Variants in DLGAP2 observed in about 807,000 individuals in gnomAD.
DLGAP2 encodes the protein DLG associated protein 2.
In DLGAP2, 26 loss-of-function variants were observed where a neutral mutation model predicts 100.3. The ratio of observed to expected loss-of-function variants is 0.26; its 90% CI spans 0.19 to 0.36. DLGAP2 has a LOEUF of 0.36. Ranked by LOEUF, DLGAP2 falls within the 10% of genes least tolerant of loss-of-function variation. The pLI is 1.00. For missense variants in DLGAP2, 1,858 were observed against 1,453.2 expected (o/e 1.28, Z -4.53); for synonymous variants, 886 against 630.1 (o/e 1.41, Z -6.08).
At chr8:1,188,576 CA>C (rs1171386304) in intron 2 of DLGAP2, among the ~76,000 whole-genome samples, 1 of 151,942 alleles carries the variant, frequency 6.6e-6, no homozygotes, top group Non-Finnish European at 1.5e-5. Flanking sequence ...ATGTTTCCCT[CA>C]CGGAATCTCA....
At chr8:1,362,439 G>A (rs776050610) in intron 3 of DLGAP2, among the ~76,000 whole-genome samples, 2 of 152,000 alleles carry the variant, frequency 1.3e-5, no homozygotes, top group African/African-American at 2.4e-5. Context: ...CGGGAGGCTC[G>A]GTAAGGGCTG....
intron 2 of DLGAP2, among the ~76,000 whole-genome samples, chr8:1,052,968 A>T (rs1802765489): frequency 6.6e-6 from 1 of 152,248 alleles, no homozygotes; most frequent in Non-Finnish European, 1.5e-5. Flanking sequence ...AGAGAAATGT[A>T]AATGTGACCT....
At position 1,215,932 on chromosome 8, in the gene DLGAP2, GGATGGGTTCATTT is replaced by G. The variant is rs1798203568; in HGVS notation, c.74-42917_74-42905del. On this transcript the variant is annotated intron_variant, in intron 2 of 14. Transcript: ENST00000637795. ...ATTACCTGGAGACGTCCAGGTACCT[GGATGGGTTCATTT>G]GGGTGCATCACCTGGAGACGTCCAG... is the stretch of plus-strand genomic sequence containing the variant. Among the ~76,000 whole-genome samples, 3 of 141,184 alleles carry G rather than the reference GGATGGGTTCATTT, an allele frequency of 2.1e-5. No homozygotes were observed. The South Asian group carries it at 6.6e-4, about 31-fold the overall frequency. 92.6% of individuals were successfully genotyped at this position (141,184 alleles called of 152,430 possible).
intron 3 of DLGAP2, among the ~76,000 whole-genome samples, chr8:1,342,770 T>C (rs1801447055): frequency 1.3e-5 from 2 of 152,242 alleles, no homozygotes; most frequent in Admixed American, 1.3e-4. Context: ...GTGTGTGTGT[T>C]GAAGTGCCGG....
In DLGAP2 at chr8:1,485,953, G is replaced by A. The variant is rs529930970; in HGVS notation, c.107-15413G>A. Among the ~76,000 whole-genome samples the A allele has an allele frequency of 1.2e-3, 178 of 152,270 alleles. 2 individuals carry two copies. The highest frequency in any genetic ancestry group is 9.1e-3 in the South Asian group (44 of 4,828). ...GAGGCAGGAGGATCGCTTGAACCCC[G>A]GAGGTGGAGGCTGCAGTGAGCCGAG... is the stretch of plus-strand genomic sequence containing the variant. On this transcript the variant is annotated intron_variant, in intron 3 of 14. Coordinates refer to ENST00000637795, the MANE Select transcript of DLGAP2 (RefSeq NM_001346810.2).
intron 4 of DLGAP2, among the ~76,000 whole-genome samples, chr8:1,507,189 G>A (rs55836863): frequency 0.052 from 7,882 of 152,302 alleles, 702 homozygotes; most frequent in African/African-American, 0.18. Context: ...CAATGGGACC[G>A]GGCGCCGCGG....
intron 2 of DLGAP2, among the ~76,000 whole-genome samples, chr8:937,296 A>G (rs1007330683): frequency 3.0e-4 from 46 of 152,146 alleles, no homozygotes; most frequent in African/African-American, 1.1e-3. Context: ...ACATGCCCAT[A>G]TTTCACCATA....
Position 1,530,618 on chromosome 8 carries a change from G to A in DLGAP2, c.173-18008G>A, listed in dbSNP as rs1266322866. Reference sequence around the variant, plus strand: ...GAATGGGGAAGTGATAAGTGTCCATGAAATCTTTACAGTTTATGTTTAGAG... The same window carrying A: ...GAATGGGGAAGTGATAAGTGTCCATAAAATCTTTACAGTTTATGTTTAGAG... On this transcript the variant is annotated intron_variant, in intron 4 of 14. Transcript: ENST00000637795. 1.2e-4 allele frequency among the ~76,000 whole-genome samples: 19 copies of A among 152,280 alleles called. No homozygotes were observed. In the East Asian group the frequency reaches 3.3e-3, roughly 26 times the overall value.
intron 1 of DLGAP2, among the ~76,000 whole-genome samples, chr8:864,477 G>C (rs1797453140): frequency 6.6e-6 from 1 of 152,172 alleles, no homozygotes; most frequent in Non-Finnish European, 1.5e-5. Context: ...GAGTCAACTA[G>C]AAAATTTTAG....
At chr8:1,201,756 C>T (rs1226621417) in intron 2 of DLGAP2, among the ~76,000 whole-genome samples, 1 of 150,908 alleles carries the variant, frequency 6.6e-6, no homozygotes, top group Non-Finnish European at 1.5e-5. Context: ...GTGTGCTGTG[C>T]CCTCCCTCAT....
At chr8:1,145,618 T>C (rs1796592299) in intron 2 of DLGAP2, among the ~76,000 whole-genome samples, 1 of 152,118 alleles carries the variant, frequency 6.6e-6, no homozygotes, top group East Asian at 1.9e-4. Flanking sequence ...GGATGTATTC[T>C]TTTTTTTATT....
intron 3 of DLGAP2, among the ~76,000 whole-genome samples, chr8:1,474,021 T>C (rs536199192): frequency 6.6e-6 from 1 of 152,264 alleles, no homozygotes; most frequent in South Asian, 2.1e-4. Flanking sequence ...GCCCAATGTG[T>C]AGTCTTTTAT....
At chr8:809,615 C>T (rs1364095869) in intron 1 of DLGAP2, among the ~76,000 whole-genome samples, 3 of 152,072 alleles carry the variant, frequency 2.0e-5, no homozygotes, top group Non-Finnish European at 4.4e-5. Flanking sequence ...CTTCTTTTTG[C>T]ACAATTAGAA....
chr8:1,520,960 G>T lies in DLGAP2; in HGVS notation c.172+19529G>T, dbSNP rs541603689. Among the ~76,000 whole-genome samples, 3 of 152,308 alleles carry T rather than the reference G, an allele frequency of 2.0e-5. No individual in the cohort carries two copies. The East Asian group carries it at 5.8e-4, about 29-fold the overall frequency. On this transcript the variant is annotated intron_variant, in intron 4 of 14. Coordinates refer to ENST00000637795, the MANE Select transcript of DLGAP2 (RefSeq NM_001346810.2). Reference sequence around the variant, plus strand: ...TCTTCCAAAGTGGCTGCACCGCTTTGCACTCCCACGGGTAATGAAAGAGTT... The same window carrying T: ...TCTTCCAAAGTGGCTGCACCGCTTTTCACTCCCACGGGTAATGAAAGAGTT...
intron 2 of DLGAP2, among the ~76,000 whole-genome samples, chr8:1,087,140 G>C (rs999860416): frequency 1.3e-5 from 2 of 152,146 alleles, no homozygotes; most frequent in African/African-American, 2.4e-5. Context: ...GTTAAACAAT[G>C]TGCAGAAAAG....
intron 12 of DLGAP2, among the ~76,000 whole-genome samples, chr8:1,690,194 A>G (rs1384879462): frequency 2.0e-5 from 3 of 151,806 alleles, no homozygotes; most frequent in Admixed American, 1.3e-4. Context: ...TGTCTCTACT[A>G]AAAATACAAA....
At chr8:1,092,397 G>A (rs11781449) in intron 2 of DLGAP2, among the ~76,000 whole-genome samples, 26,846 of 152,228 alleles carry the variant, frequency 0.18, 2,384 homozygotes, top group Non-Finnish European at 0.19. Context: ...AGCCTTTGCC[G>A]TCAGCGATCC....
At chr8:1,043,644 G>T (rs1256158558) in intron 2 of DLGAP2, among the ~76,000 whole-genome samples, 1 of 152,062 alleles carries the variant, frequency 6.6e-6, no homozygotes, top group Non-Finnish European at 1.5e-5. Flanking sequence ...GGGAACATGA[G>T]CTGTGCTGCC....
intron 2 of DLGAP2, among the ~76,000 whole-genome samples, chr8:1,200,843 C>G (rs1440563335): frequency 6.6e-6 from 1 of 152,240 alleles, no homozygotes; most frequent in Non-Finnish European, 1.5e-5. Context: ...TTTTCCGTTC[C>G]CACATATCGG....
Sources: gnomAD v4.1 joint callset for allele counts (sites outside exome capture counted in the v4.1 genomes callset) on GRCh38, gnomAD v4.1.1 for gene constraint, MANE v1.5 for transcripts, NCBI Gene and HGNC (gene_info 2026-07-23, HGNC 2026-07-21) for gene names.